Variants in SCYL1 observed in about 807,000 individuals in gnomAD.
The protein encoded by SCYL1 is SCY1 like pseudokinase 1, also known as N-terminal kinase-like protein.
A neutral mutation model predicts 94.8 loss-of-function variants in SCYL1; 85 were observed. The ratio of observed to expected loss-of-function variants is 0.90; its 90% confidence interval spans 0.75 to 1.07. SCYL1 has a LOEUF of 1.07. SCYL1 is among the 50% of genes least tolerant of loss of function. SCYL1 has a pLI of 0.00. For missense variants in SCYL1, 968 were observed against 1,083.3 expected, an observed-to-expected ratio of 0.89 and a Z score of 1.49; for synonymous variants, 459 against 435.5, an observed-to-expected ratio of 1.05 and a Z score of -0.67.
rs750269014 is a variant in SCYL1 at position 65,532,682 on chromosome 11, T to G, written c.1117-10T>G. The G allele has an allele frequency of 6.2e-7, 1 of 1,610,254 alleles. No individual in the cohort carries two copies. The highest frequency in any genetic ancestry group is 1.7e-5 in the Admixed American group (1 of 59,976). ...CTGACCATGTTGACGCATCCCAACCTGGGCCACAGATGGAGCAGTTCATCC... is the reference window on the plus strand; with the variant it reads ...CTGACCATGTTGACGCATCCCAACCGGGGCCACAGATGGAGCAGTTCATCC... On this transcript the variant is annotated splice_polypyrimidine_tract_variant and intron_variant, in intron 8 of 17. Transcript: ENST00000270176.
rs1251783952 is a variant in SCYL1 at position 65,538,277 on chromosome 11, C to T, written c.2255C>T (p.Pro752Leu). 1.9e-6 allele frequency: 3 copies of T among 1,553,320 alleles called. No individual in the cohort carries two copies. The highest frequency in any genetic ancestry group is 2.0e-5 in the Admixed American group (1 of 51,062). Residue 752 changes from proline (P) to leucine (L), a missense_variant, in exon 17 of 18, where the codon CCA (proline) becomes CTA (leucine). Around this residue, in one of 2 missense-constraint regions of SCYL1, gnomAD observed 474 missense variants for 463.6 expected, o/e 1.02. Coordinates refer to ENST00000270176, the MANE Select transcript of SCYL1 (RefSeq NM_020680.4). ...LSARPSTQPR[P>L]DSWGEDNWEG... ...CCACACTTCTCTTTACAGCCGAGGC[C>T]AGACTCTTGGGGTGAGGACAACTGG...
chr11:65,535,430 A>T (rs1855586527), intron 10 of SCYL1, 48 bp downstream of exon 10: 1 of 1,600,116 alleles, frequency 6.2e-7, no homozygotes, highest in Non-Finnish European at 8.6e-7. Flanking sequence ...TCGCAGGACC[A>T]CAGCCTCCTC....
chr11:65,537,384 C>A (rs369707294), intron 14 of SCYL1, among the ~76,000 whole-genome samples: 1 of 152,198 alleles, frequency 6.6e-6, no homozygotes, highest in East Asian at 1.9e-4. Context: ...TTACCCACAC[C>A]GTCCCCCTTT....
At position 65,537,849 on chromosome 11, in the gene SCYL1, G is replaced by A. The variant is rs748057840; in HGVS notation, c.2000G>A (p.Ser667Asn). Residue 667 changes from serine (S) to asparagine (N), a missense_variant, in exon 15 of 18, where the codon AGC becomes AAC. Physicochemically the swap from Ser to Asn is conservative, Grantham distance 46 (BLOSUM62 1). Coordinates refer to ENST00000270176, the MANE Select transcript of SCYL1 (RefSeq NM_020680.4). Reference protein sequence around the residue: ...ESVLAQQDDWSTGGQVSRASQ... With the variant: ...ESVLAQQDDWNTGGQVSRASQ... ...GTGCTGGCCCAGCAGGACGACTGGAGCACCGGGGGCCAAGTGAGCCGTGCT... is the reference window on the plus strand; with the variant it reads ...GTGCTGGCCCAGCAGGACGACTGGAACACCGGGGGCCAAGTGAGCCGTGCT... The A allele has an allele frequency of 1.3e-6, 2 of 1,574,698 alleles. No individual in the cohort carries two copies. Among genetic ancestry groups the A allele is most frequent in the East Asian group, 4.6e-5 (2 of 43,196 alleles).
intron 2 of SCYL1, 46 bp from the exon 3 acceptor site, chr11:65,525,875 C>A: frequency 6.3e-7 from 1 of 1,597,912 alleles, no homozygotes; most frequent in Non-Finnish European, 8.5e-7. Flanking sequence ...ATCTCTCCTT[C>A]CTCTCTGCCC....
Position 65,530,688 on chromosome 11 carries a change from A to G in SCYL1, c.909A>G (p.Ala303=). The change falls in exon 7 of 18, where the codon GCA becomes GCG. Residue 303 remains alanine, a synonymous_variant. Coordinates refer to ENST00000270176, the MANE Select transcript of SCYL1 (RefSeq NM_020680.4). ...FFQELSKSLD[A]FPEDFCRHKV... is the part of the protein sequence containing the mutation. ...AGGAGCTGAGCAAGAGCCTGGACGCATTCCCTGAGGATTTCTGTCGGCACA... is the reference window on the plus strand; with the variant it reads ...AGGAGCTGAGCAAGAGCCTGGACGCGTTCCCTGAGGATTTCTGTCGGCACA... 6.2e-7 allele frequency: 1 copy of G among 1,614,056 alleles called. No individual in the cohort carries two copies. Among genetic ancestry groups the G allele is most frequent in the Non-Finnish European group, 8.5e-7 (1 of 1,179,992 alleles).
intron 6 of SCYL1, among the ~76,000 whole-genome samples, chr11:65,528,920 G>A (rs535064719): frequency 3.9e-5 from 6 of 152,278 alleles, no homozygotes; most frequent in South Asian, 2.1e-4. Context: ...AGGCAGAGGC[G>A]ACAGCACGTG....
chr11:65,536,492 G>A, intron 12 of SCYL1, 94 bp from the exon 13 acceptor site: 1 of 1,470,666 alleles, frequency 6.8e-7, no homozygotes, highest in East Asian at 2.4e-5. Flanking sequence ...GGAGAAAGGA[G>A]GGGTGGCTGC....
chr11:65,532,846 C>G (rs773375864), intron 9 of SCYL1, 41 bp downstream of exon 9: 1 of 1,513,884 alleles, frequency 6.6e-7, no homozygotes, highest in South Asian at 1.1e-5. Flanking sequence ...CCTGGTTTTC[C>G]AAGGCTTGGA....
At chr11:65,538,359 G>T in intron 17 of SCYL1, 35 bp downstream of exon 17, 1 of 1,540,670 alleles carries the variant, frequency 6.5e-7, no homozygotes, top group Non-Finnish European at 8.8e-7. Flanking sequence ...GAAGACTAGG[G>T]CTCCCCGACT....
At position 65,525,964 on chromosome 11, in the gene SCYL1, TGGGAATATACCTCAA is replaced by T. The variant is rs1855053665; in HGVS notation, c.299_313del (p.Gly100_Lys104del). The T allele has an allele frequency of 6.2e-7, 1 of 1,613,260 alleles. No homozygotes were observed. The highest frequency in any genetic ancestry group is 1.7e-5 in the Admixed American group (1 of 59,970). On this transcript the variant is annotated inframe_deletion, in exon 3 of 18. Transcript: ENST00000270176. ...GTCGTGACAGAGGCTGTGACCCCGT[TGGGAATATACCTCAA>T]GGCGAGAGTGGAGGCTGGTGGCCTG...
chr11:65,528,510 G>A (rs1855205418), intron 6 of SCYL1, among the ~76,000 whole-genome samples: 1 of 152,032 alleles, frequency 6.6e-6, no homozygotes, highest in Admixed American at 6.6e-5. Context: ...TGTAAACCCA[G>A]CACTTTGGGA....
chr11:65,536,909 CAGTAGCCCCCTTCCCCTA>C (rs1855682816), intron 13 of SCYL1, 59 bp from the exon 14 acceptor site: 1 of 1,247,566 alleles, frequency 8.0e-7, no homozygotes, highest in Non-Finnish European at 1.2e-6. Context: ...CCCTTCCCCC[CAGTAGCCCCCTTCCCCTA>C]GCAGCCTCTG....
chr11:65,528,242 A>G (rs1235472834), intron 6 of SCYL1, among the ~76,000 whole-genome samples: 1 of 151,870 alleles, frequency 6.6e-6, no homozygotes, highest in Non-Finnish European at 1.5e-5. Context: ...CGGGAGTTCG[A>G]TACCAGCTGA....
chr11:65,528,852 G>A (rs1855223096), intron 6 of SCYL1, among the ~76,000 whole-genome samples: 1 of 152,208 alleles, frequency 6.6e-6, no homozygotes, highest in African/African-American at 2.4e-5. Context: ...CATTGGAGCT[G>A]GGGCCTGAAG....
At chr11:65,532,464 G>A (rs1217223090) in intron 8 of SCYL1, among the ~76,000 whole-genome samples, 1 of 151,858 alleles carries the variant, frequency 6.6e-6, no homozygotes, top group Admixed American at 6.6e-5. Context: ...GGCTCTGAGA[G>A]GGTGGCCAGA....
intron 6 of SCYL1, among the ~76,000 whole-genome samples, chr11:65,527,630 G>T (rs888229084): frequency 2.0e-5 from 3 of 151,400 alleles, no homozygotes; most frequent in Non-Finnish European, 4.4e-5. Context: ...TACTCCAGAG[G>T]CTGAGGTAGG....
chr11:65,532,686 C>A lies in SCYL1; in HGVS notation c.1117-6C>A. The A allele has an allele frequency of 6.2e-7, 1 of 1,611,192 alleles. No individual in the cohort carries two copies. On this transcript the variant is annotated splice_region_variant and splice_polypyrimidine_tract_variant and intron_variant, in intron 8 of 17. Coordinates refer to ENST00000270176, the MANE Select transcript of SCYL1 (RefSeq NM_020680.4). Reference sequence around the variant, plus strand: ...CCATGTTGACGCATCCCAACCTGGGCCACAGATGGAGCAGTTCATCCAGTA... The same window carrying A: ...CCATGTTGACGCATCCCAACCTGGGACACAGATGGAGCAGTTCATCCAGTA...
intron 17 of SCYL1, 39 bp downstream of exon 17, chr11:65,538,363 C>A: frequency 6.5e-7 from 1 of 1,539,116 alleles, no homozygotes; most frequent in South Asian, 1.2e-5. Flanking sequence ...ACTAGGGCTC[C>A]CCGACTAGCC....
Sources: allele counts gnomAD v4.1 joint callset (sites outside exome capture counted in the v4.1 genomes callset), GRCh38; gene constraint gnomAD v4.1.1; regional missense constraint gnomAD v4.1.1; transcripts MANE v1.5; gene names NCBI Gene and HGNC (gene_info 2026-07-23, HGNC 2026-07-21).